RETREG3: variants seen among roughly 807,000 people sequenced by gnomAD.
RETREG3 encodes the protein reticulophagy regulator family member 3.
In RETREG3, 23 loss-of-function variants were observed where a neutral mutation model predicts 50.2. The observed-to-expected ratio is 0.46, with a 90% CI of 0.33 to 0.65. The LOEUF (loss-of-function observed/expected upper bound fraction) is 0.65. Among genes scored for constraint, RETREG3 ranks in the 30% least tolerant of loss-of-function variants. RETREG3 has a pLI of 0.02. For synonymous variants in RETREG3, 240 were observed against 234.4 expected (o/e 1.02, Z -0.22); for missense variants, 546 against 598.0 (o/e 0.91, Z 0.91).
intron 1 of RETREG3, among the ~76,000 whole-genome samples, chr17:42,593,420 C>T (rs531969872): frequency 2.0e-5 from 3 of 151,898 alleles, no homozygotes; most frequent in Non-Finnish European, 2.9e-5. Flanking sequence ...GAGGCAGAGG[C>T]GGGCAGATCT....
chr17:42,586,144 A>T lies in RETREG3; in HGVS notation c.505-7T>A. ...CACAGCTCAGCAAGCAGAACTGGGG[A>T]ATCAAGAAAGAGTATTAAGTTTCTG... On this transcript the variant is annotated splice_region_variant and splice_polypyrimidine_tract_variant and intron_variant, in intron 4 of 8. Coordinates refer to ENST00000309428, the MANE Select transcript of RETREG3 (RefSeq NM_178126.4). 6.2e-7 allele frequency: 1 copy of T among 1,613,838 alleles called. No homozygotes were observed. The highest frequency in any genetic ancestry group is 1.1e-5 in the South Asian group (1 of 91,056).
intron 5 of RETREG3, among the ~76,000 whole-genome samples, chr17:42,585,836 C>T (rs2093120185): frequency 6.6e-6 from 1 of 151,944 alleles, no homozygotes; most frequent in Admixed American, 6.6e-5. Context: ...GTTAGTGGAC[C>T]CTCATCAATT....
intron 1 of RETREG3, among the ~76,000 whole-genome samples, chr17:42,605,885 G>T (rs898271220): frequency 3.3e-5 from 5 of 151,662 alleles, no homozygotes; most frequent in Non-Finnish European, 7.4e-5. Flanking sequence ...CAGCTACTCG[G>T]GAGGCTGGGG....
chr17:42,590,638 CTCCAGCCTGGG>C (rs908830706), intron 2 of RETREG3, among the ~76,000 whole-genome samples: 1 of 151,928 alleles, frequency 6.6e-6, no homozygotes, highest in Non-Finnish European at 1.5e-5. Context: ...CGCCACTGCA[CTCCAGCCTGGG>C]TGACAGACCA....
At chr17:42,604,739 T>C (rs1237635229) in intron 1 of RETREG3, among the ~76,000 whole-genome samples, 4 of 150,712 alleles carry the variant, frequency 2.7e-5, no homozygotes, top group South Asian at 4.2e-4. Context: ...TCAGCAGTTA[T>C]GTAGGCCTCC....
Position 42,581,651 on chromosome 17 carries a change from TG to T in RETREG3, c.*161del. 3.4e-6 allele frequency: 2 copies of T among 594,134 alleles called. No individual in the cohort carries two copies. Among genetic ancestry groups the T allele is most frequent in the South Asian group, 2.7e-5 (1 of 37,208 alleles). The allele number at this position is 594,134 out of a possible 1,614,324, so 36.8% of individuals were successfully genotyped here. ...GGGCATCCAGCTGGTGGGAGGGGAG[TG>T]AGTGTCCTCTCTAAGGAGGCCTCTG... On this transcript the variant is annotated 3_prime_UTR_variant, in exon 9 of 9. Coordinates refer to ENST00000309428, the MANE Select transcript of RETREG3 (RefSeq NM_178126.4).
chr17:42,585,036 T>G, intron 6 of RETREG3, 89 bp downstream of exon 6: 32 of 1,508,486 alleles, frequency 2.1e-5, no homozygotes, highest in Middle Eastern at 1.8e-4. Flanking sequence ...ACTTCCACTT[T>G]TGAGGACCCA....
chr17:42,588,294 T>C (rs1165744725), intron 2 of RETREG3, among the ~76,000 whole-genome samples: 2 of 152,270 alleles, frequency 1.3e-5, no homozygotes, highest in African/African-American at 4.8e-5. Context: ...TCTCGCTCTG[T>C]TGCCCAGCCT....
At chr17:42,607,642 T>TA (rs1011280921) in intron 1 of RETREG3, among the ~76,000 whole-genome samples, 2 of 150,462 alleles carry the variant, frequency 1.3e-5, no homozygotes, top group East Asian at 2.0e-4. Flanking sequence ...CCATCTCTAC[T>TA]AAAAAAATAC....
intron 1 of RETREG3, among the ~76,000 whole-genome samples, chr17:42,601,628 CT>C (rs750926453): frequency 2.9e-4 from 23 of 79,812 alleles, no homozygotes; most frequent in East Asian, 8.4e-4. Flanking sequence ...AAGGTTCCAA[CT>C]TTTTTTTTTT....
chr17:42,584,320 C>T (rs2093116558), intron 6 of RETREG3, among the ~76,000 whole-genome samples: 1 of 152,148 alleles, frequency 6.6e-6, no homozygotes, highest in Non-Finnish European at 1.5e-5. Flanking sequence ...TGACCAAGTG[C>T]AGGGCTCTTT....
In RETREG3 at chr17:42,582,077, C is replaced by T; in HGVS notation, c.1137G>A (p.Leu379=). 1 of 1,614,114 alleles carries T rather than the reference C, an allele frequency of 6.2e-7. No individual in the cohort carries two copies. Among genetic ancestry groups the T allele is most frequent in the Middle Eastern group, 1.6e-4 (1 of 6,062 alleles). The part of the protein sequence containing the change: ...APPASRDEAA[L]PELLLGALPV... ...GAAGAGCACCAAGCAGGAGCTCCGG[C>T]AGCGCAGCCTCGTCCCGGCTGGCAG... The change falls in exon 9 of 9, where the codon CTG becomes CTA. Residue 379 remains leucine, a synonymous_variant. Coordinates refer to ENST00000309428, the MANE Select transcript of RETREG3 (RefSeq NM_178126.4).
At chr17:42,587,617 TTC>T in intron 3 of RETREG3, 1 of 559,480 alleles carries the variant, frequency 1.8e-6, no homozygotes, top group Non-Finnish European at 3.2e-6. Flanking sequence ...ACTGTAATGC[TTC>T]TTTTTCAGAA....
In RETREG3 at chr17:42,585,160, C is replaced by G; in HGVS notation, c.692G>C (p.Arg231Pro). ...TCTCTGCTTGGACATCATGTAGCCACGGACACTGAAGTCTAGCCGCTGCAG... is the reference window on the plus strand; with the variant it reads ...TCTCTGCTTGGACATCATGTAGCCAGGGACACTGAAGTCTAGCCGCTGCAG... ...PALQRLDFSV[R>P]GYMMSKQRER... Residue 231 changes from arginine (R) to proline (P), a missense_variant, in exon 6 of 9, where the codon CGT (arginine) becomes CCT (proline). Physicochemically the swap from Arg to Pro is moderately radical, Grantham distance 103. Transcript: ENST00000309428. 6.2e-7 allele frequency: 1 copy of G among 1,613,630 alleles called. No individual in the cohort carries two copies. Among genetic ancestry groups the G allele is most frequent in the African/African-American group, 1.3e-5 (1 of 74,992 alleles).
chr17:42,609,235 C>T lies in RETREG3; in HGVS notation c.90G>A (p.Glu30=), dbSNP rs149413734. The T allele has an allele frequency of 1.5e-4, 241 of 1,608,298 alleles. 2 individuals are homozygous for T. The African/African-American group carries it at 2.7e-3, about 18-fold the overall frequency. The change falls in exon 1 of 9, where the codon GAG becomes GAA. Residue 30 remains glutamate, a synonymous_variant. Coordinates refer to ENST00000309428, the MANE Select transcript of RETREG3 (RefSeq NM_178126.4). ...GCGCCGCCTCAACCTGCTGGTCCCG[C>T]TCCCAGGAGCCTGACACATCTCGGC... is the stretch of plus-strand genomic sequence containing the variant. ...RGRRDVSGSW[E]RDQQVEAAQR...
At chr17:42,603,926 GA>G in intron 1 of RETREG3, among the ~76,000 whole-genome samples, 1 of 151,582 alleles carries the variant, frequency 6.6e-6, no homozygotes, top group East Asian at 1.9e-4. Flanking sequence ...GCAGTGAGCC[GA>G]GATCGCGCCA....
intron 7 of RETREG3, among the ~76,000 whole-genome samples, chr17:42,583,122 G>A (rs2093113601): frequency 6.6e-6 from 1 of 152,096 alleles, no homozygotes; most frequent in Admixed American, 6.5e-5. Context: ...CTTACTTTAA[G>A]GCAAATAATT....
intron 1 of RETREG3, among the ~76,000 whole-genome samples, chr17:42,595,444 T>C (rs1368868322): frequency 1.3e-5 from 2 of 151,462 alleles, no homozygotes; most frequent in Non-Finnish European, 2.9e-5. Context: ...TGACCCAGGC[T>C]GGAGTGCAGT....
At chr17:42,599,981 G>A (rs559732169) in intron 1 of RETREG3, among the ~76,000 whole-genome samples, 6 of 151,694 alleles carry the variant, frequency 4.0e-5, no homozygotes, top group Middle Eastern at 3.4e-3. Context: ...GTGACAGAGC[G>A]AGACCCTATC....
Sources: allele counts gnomAD v4.1 joint callset (sites outside exome capture counted in the v4.1 genomes callset), GRCh38; gene constraint gnomAD v4.1.1; transcripts MANE v1.5; gene names NCBI Gene and HGNC (gene_info 2026-07-23, HGNC 2026-07-21).